Variants in KCNIP4 observed in about 807,000 individuals in gnomAD.
KCNIP4 encodes Kv channel-interacting protein 4.
A neutral mutation model predicts 34.0 loss-of-function variants in KCNIP4; 12 were observed. The ratio of observed to expected loss-of-function variants is 0.35; its 90% CI spans 0.23 to 0.57. The LOEUF is 0.57. Ranked by LOEUF, KCNIP4 falls within the 20% of genes least tolerant of loss-of-function variation. KCNIP4 has a pLI of 0.83. For missense variants in KCNIP4, 238 were observed against 311.7 expected, an observed-to-expected ratio of 0.76 and a Z score of 1.78; for synonymous variants, 124 against 102.2, an observed-to-expected ratio of 1.21 and a Z score of -1.29.
At chr4:21,406,086 C>G (rs1442576061) in intron 1 of KCNIP4, among the ~76,000 whole-genome samples, 1 of 152,144 alleles carries the variant, frequency 6.6e-6, no homozygotes, top group African/African-American at 2.4e-5. Flanking sequence ...CCACCCGCCT[C>G]AGCTTCCCAA....
intron 1 of KCNIP4, among the ~76,000 whole-genome samples, chr4:21,304,996 G>A (rs1184820453): frequency 2.0e-5 from 3 of 151,812 alleles, no homozygotes; most frequent in Middle Eastern, 3.4e-3. Flanking sequence ...GAAAAAAAGC[G>A]GAAGTTTTTG....
At chr4:20,824,401 G>A (rs1215124485) in intron 3 of KCNIP4, among the ~76,000 whole-genome samples, 1 of 152,104 alleles carries the variant, frequency 6.6e-6, no homozygotes, top group Non-Finnish European at 1.5e-5. Context: ...GATTCTTTAG[G>A]CCAGGCGTGG....
intron 1 of KCNIP4, among the ~76,000 whole-genome samples, chr4:21,605,488 AT>A (rs567068159): frequency 3.7e-4 from 56 of 150,252 alleles, no homozygotes; most frequent in Middle Eastern, 6.8e-3. Flanking sequence ...CCTTTTTACA[AT>A]TTTTTTTTTG....
At chr4:21,331,028 A>G (rs1029559516) in intron 1 of KCNIP4, among the ~76,000 whole-genome samples, 5 of 152,188 alleles carry the variant, frequency 3.3e-5, no homozygotes, top group African/African-American at 1.2e-4. Flanking sequence ...CTACTCTTCT[A>G]TTGACTGTTT....
At chr4:20,918,290 T>C (rs538923074) in intron 1 of KCNIP4, among the ~76,000 whole-genome samples, 2 of 152,240 alleles carry the variant, frequency 1.3e-5, no homozygotes, top group East Asian at 3.9e-4. Flanking sequence ...ATCTTACTCC[T>C]GTTTTGCACT....
intron 1 of KCNIP4, among the ~76,000 whole-genome samples, chr4:21,794,909 CAAAT>C (rs1720526120): frequency 2.6e-5 from 4 of 151,982 alleles, no homozygotes; most frequent in South Asian, 4.2e-4. Context: ...AACAAACAAA[CAAAT>C]AAACAAACGA....
intron 1 of KCNIP4, among the ~76,000 whole-genome samples, chr4:21,682,771 A>G (rs1750470059): frequency 2.0e-5 from 3 of 152,188 alleles, no homozygotes; most frequent in Admixed American, 6.5e-5. Flanking sequence ...CAAGGAGAAG[A>G]AAAGACATGG....
chr4:21,172,233 C>T (rs1754069523), intron 1 of KCNIP4, among the ~76,000 whole-genome samples: 1 of 151,978 alleles, frequency 6.6e-6, no homozygotes, highest in Non-Finnish European at 1.5e-5. Flanking sequence ...GGTTTCACCA[C>T]ATTGGCCAGT....
At chr4:21,554,004 G>A (rs994936919) in intron 1 of KCNIP4, among the ~76,000 whole-genome samples, 21 of 152,248 alleles carry the variant, frequency 1.4e-4, no homozygotes, top group Admixed American at 1.1e-3. Context: ...TGGGGAGTTA[G>A]AAGTTAAGCA....
chr4:21,493,292 T>G (rs1258599484), intron 1 of KCNIP4, among the ~76,000 whole-genome samples: 1 of 152,056 alleles, frequency 6.6e-6, no homozygotes, highest in Admixed American at 6.6e-5. Flanking sequence ...CCCTCTTAGC[T>G]GAAGTGCCAT....
At chr4:21,852,890 G>T (rs935907805) in intron 1 of KCNIP4, 1 of 152,072 alleles carries the variant, frequency 6.6e-6, no homozygotes, top group Non-Finnish European at 1.5e-5. Context: ...TTTCCTTACT[G>T]TTACAATTCC....
chr4:21,508,811 T>C (rs1734072348), intron 1 of KCNIP4, among the ~76,000 whole-genome samples: 1 of 152,158 alleles, frequency 6.6e-6, no homozygotes, highest in African/African-American at 2.4e-5. Flanking sequence ...TCTAATGCAT[T>C]GTTGTGAGCT....
chr4:21,288,571 A>G (rs893600182), intron 1 of KCNIP4, among the ~76,000 whole-genome samples: 3 of 152,218 alleles, frequency 2.0e-5, no homozygotes, highest in South Asian at 4.1e-4. Flanking sequence ...CAAGAACTCT[A>G]TAAGATAAAT....
intron 1 of KCNIP4, among the ~76,000 whole-genome samples, chr4:21,757,194 G>A (rs374979112): frequency 1.3e-3 from 52 of 39,416 alleles, no homozygotes; most frequent in Admixed American, 2.5e-3. Flanking sequence ...AAGGAAGGAA[G>A]GAAGGAAAGA....
intron 1 of KCNIP4, among the ~76,000 whole-genome samples, chr4:21,702,000 G>A (rs116487934): frequency 0.014 from 2,196 of 151,964 alleles, 42 homozygotes; most frequent in African/African-American, 0.043. Flanking sequence ...CACCATGCCC[G>A]GCCTACTAAA....
intron 1 of KCNIP4, among the ~76,000 whole-genome samples, chr4:20,982,149 A>G (rs2149692912): frequency 6.6e-6 from 1 of 152,300 alleles, no homozygotes; most frequent in Admixed American, 6.5e-5. Context: ...TAACTTTGAC[A>G]ATATAAGAAC....
intron 1 of KCNIP4, among the ~76,000 whole-genome samples, chr4:20,979,758 A>G (rs1383937100): frequency 6.6e-6 from 1 of 151,764 alleles, no homozygotes; most frequent in African/African-American, 2.4e-5. Flanking sequence ...ACCTACCTAA[A>G]ACATGGATCT....
chr4:21,531,403 T>C (rs1206627790), intron 1 of KCNIP4, among the ~76,000 whole-genome samples: 6 of 142,046 alleles, frequency 4.2e-5, no homozygotes, highest in Non-Finnish European at 9.2e-5. Context: ...TTCTTGACAG[T>C]CTCTCTCTGT....
intron 1 of KCNIP4, among the ~76,000 whole-genome samples, chr4:21,406,377 A>C (rs1279796714): frequency 6.6e-6 from 1 of 152,220 alleles, no homozygotes; most frequent in Non-Finnish European, 1.5e-5. Flanking sequence ...TCAACAATAT[A>C]GGAATATTTT....
Sources: gnomAD v4.1 joint callset for allele counts (sites outside exome capture counted in the v4.1 genomes callset) on GRCh38, gnomAD v4.1.1 for gene constraint, MANE v1.5 for transcripts, NCBI Gene and HGNC (gene_info 2026-07-23, HGNC 2026-07-21) for gene names.